SEC23A: variants seen among roughly 807,000 people sequenced by gnomAD.
SEC23A encodes protein transport protein Sec23A.
In SEC23A, 56 loss-of-function variants were observed where a neutral mutation model predicts 103.7. The observed-to-expected ratio is 0.54, with a 90% CI of 0.44 to 0.67. The LOEUF (loss-of-function observed/expected upper bound fraction) is 0.67. Among genes scored for constraint, SEC23A ranks in the 30% least tolerant of loss-of-function variants. The pLI is 0.00. For missense variants in SEC23A, 784 were observed against 936.4 expected (o/e 0.84, Z 2.12); for synonymous variants, 281 against 293.0 (o/e 0.96, Z 0.42).
intron 19 of SEC23A, among the ~76,000 whole-genome samples, chr14:39,034,321 A>G (rs1885393775): frequency 6.6e-6 from 1 of 152,228 alleles, no homozygotes; most frequent in Non-Finnish European, 1.5e-5. Context: ...AACAGGACCT[A>G]TCTTACACAA....
intron 11 of SEC23A, among the ~76,000 whole-genome samples, chr14:39,064,128 C>T (rs946514605): frequency 6.6e-6 from 1 of 151,750 alleles, no homozygotes; most frequent in Non-Finnish European, 1.5e-5. Context: ...CATTTACGAA[C>T]ACATGTTCTC....
intron 14 of SEC23A, among the ~76,000 whole-genome samples, chr14:39,051,920 TCGTGCCACTGCACTC>T (rs1178786063): frequency 6.6e-6 from 1 of 150,638 alleles, no homozygotes; most frequent in Non-Finnish European, 1.5e-5. Context: ...TGAGCCGAGA[TCGTGCCACTGCACTC>T]CAGCCTGGGC....
intron 10 of SEC23A, among the ~76,000 whole-genome samples, chr14:39,065,984 C>T (rs1395566164): frequency 2.0e-4 from 19 of 92,738 alleles, no homozygotes; most frequent in Non-Finnish European, 1.7e-4. Context: ...GCAATAAGAG[C>T]GAAACTCCAT....
chr14:39,100,823 T>C (rs1432328807), intron 1 of SEC23A, among the ~76,000 whole-genome samples: 5 of 152,174 alleles, frequency 3.3e-5, no homozygotes, highest in African/African-American at 1.2e-4. Context: ...ACACACTATA[T>C]TAGAATGCAG....
Position 39,101,074 on chromosome 14 carries a change from C to T in SEC23A, c.-22+1958G>A, listed in dbSNP as rs538805038. ...GGCCAGGCTGGTCTCGAACTCCTGACCTCAGGTGATTGGCCTGCCTCGGCC... is the reference window on the plus strand; with the variant it reads ...GGCCAGGCTGGTCTCGAACTCCTGATCTCAGGTGATTGGCCTGCCTCGGCC... On this transcript the variant is annotated intron_variant, in intron 1 of 19. Transcript: ENST00000307712. Among the ~76,000 whole-genome samples the T allele has an allele frequency of 1.7e-3, 261 of 152,058 alleles. 1 individual carries two copies. Among genetic ancestry groups the T allele is most frequent in the African/African-American group, 6.1e-3 (253 of 41,510 alleles).
chr14:39,063,065 A>C (rs937595663), intron 12 of SEC23A, among the ~76,000 whole-genome samples: 1 of 152,238 alleles, frequency 6.6e-6, no homozygotes, highest in African/African-American at 2.4e-5. Context: ...AAAAAAAGAA[A>C]GAAAGAAAAC....
At chr14:39,061,368 T>C (rs891905530) in intron 13 of SEC23A, among the ~76,000 whole-genome samples, 2 of 151,780 alleles carry the variant, frequency 1.3e-5, no homozygotes, top group South Asian at 2.1e-4. Context: ...AAATGACTAA[T>C]AAAACTTGAA....
chr14:39,053,513 T>G (rs1331083143), intron 14 of SEC23A, among the ~76,000 whole-genome samples: 2 of 151,440 alleles, frequency 1.3e-5, no homozygotes, highest in African/African-American at 4.9e-5. Context: ...TTAATCTTTC[T>G]TGTTTTTTTT....
At chr14:39,050,508 T>C (rs1886019583) in intron 14 of SEC23A, among the ~76,000 whole-genome samples, 1 of 152,162 alleles carries the variant, frequency 6.6e-6, no homozygotes, top group Non-Finnish European at 1.5e-5. Context: ...AGACAGAAGA[T>C]TTCCTGAGTC....
In SEC23A at chr14:39,094,389, CACACACACATATATATATATATATAT is replaced by C. The variant is rs1488915041; in HGVS notation, c.222-1171_222-1146del. On this transcript the variant is annotated intron_variant, in intron 2 of 19. Transcript: ENST00000307712. ...ATATATATATACACACACACACACA[CACACACACATATATATATATATATAT>C]ATATATATATATATATATATATATA... Among the ~76,000 whole-genome samples, 18 of 50,208 alleles carry C rather than the reference CACACACACATATATATATATATATAT, an allele frequency of 3.6e-4. 4 individuals carry two copies. Among genetic ancestry groups the C allele is most frequent in the African/African-American group, 1.1e-3 (14 of 13,014 alleles). 32.9% of individuals were successfully genotyped at this position (50,208 alleles called of 152,430 possible). A position where few individuals can be genotyped will look rare whatever the true frequency, so the allele number is the denominator to read the frequency against.
At chr14:39,089,357 A>G (rs1463772423) in intron 5 of SEC23A, among the ~76,000 whole-genome samples, 1 of 152,164 alleles carries the variant, frequency 6.6e-6, no homozygotes, top group Admixed American at 6.5e-5. Flanking sequence ...TATAAGGTAT[A>G]TACTATTACT....
intron 7 of SEC23A, among the ~76,000 whole-genome samples, chr14:39,081,664 G>T (rs1000264682): frequency 2.6e-5 from 4 of 152,148 alleles, no homozygotes; most frequent in African/African-American, 9.7e-5. Context: ...TTCTCATAGA[G>T]AATGAGTTAC....
chr14:39,059,290 A>AAAAAAAAAAC (rs1555327678), intron 13 of SEC23A, among the ~76,000 whole-genome samples: 17 of 59,992 alleles, frequency 2.8e-4, no homozygotes, highest in South Asian at 5.3e-4. Context: ...AAAAAAAAAA[A>AAAAAAAAAAC]AAAAAAAAAA....
Position 39,048,677 on chromosome 14 carries a change from G to T in SEC23A, c.1712C>A (p.Ser571Ter). The change falls in exon 15 of 20, where the codon TCA becomes TAA. Residue 571 changes from serine to a stop codon, truncating the protein, a stop_gained. Transcript: ENST00000307712. LOFTEE classifies it high-confidence loss of function. ...HKDDPSSFRFSETFSLYPQFM... is the reference protein window; with the variant it reads ...HKDDPSSFRF ...CTGTGGATAAAGGGAGAAAGTTTCT[G>T]AAAATCTGAAGGAACTTGGGTCATC... The T allele has an allele frequency of 6.3e-7, 1 of 1,595,368 alleles. No individual in the cohort carries two copies. Among genetic ancestry groups the T allele is most frequent in the Non-Finnish European group, 8.6e-7 (1 of 1,163,106 alleles).
Position 39,085,788 on chromosome 14 carries a change from G to A in SEC23A, c.802C>T (p.Leu268Phe). 6.2e-7 allele frequency: 1 copy of A among 1,613,180 alleles called. No individual in the cohort carries two copies. The highest frequency in any genetic ancestry group is 8.5e-7 in the Non-Finnish European group (1 of 1,179,840). Residue 268 changes from leucine to phenylalanine, a missense_variant, in exon 7 of 20, where the codon CTT (leucine) becomes TTT (phenylalanine). This residue lies in a region of SEC23A where 683 missense variants were observed against 774.2 expected (regional missense o/e 0.88). Transcript: ENST00000307712. ...TCCAGCAGTCCTACAGCTATGGAAA[G>A]TGCCACCCCAGAGGAACGCAAAGGT... ...KRPLRSSGVA[L>F]SIAVGLLECT... is the part of the protein sequence containing the mutation.
At chr14:39,049,533 T>C (rs1885969887) in intron 14 of SEC23A, among the ~76,000 whole-genome samples, 1 of 151,736 alleles carries the variant, frequency 6.6e-6, no homozygotes, top group Non-Finnish European at 1.5e-5. Context: ...TTCAAGCACT[T>C]TGGGAGGCCA....
intron 6 of SEC23A, 118 bp downstream of exon 6, chr14:39,086,811 T>G: frequency 1.5e-6 from 1 of 684,662 alleles, no homozygotes; most frequent in South Asian, 1.7e-5. Context: ...TTAATACAAT[T>G]TACTTATATT....
intron 6 of SEC23A, among the ~76,000 whole-genome samples, chr14:39,086,277 T>C (rs986507934): frequency 2.0e-5 from 3 of 152,320 alleles, no homozygotes; most frequent in Admixed American, 6.5e-5. Context: ...AGTTTTAGGT[T>C]ACTGAAATAA....
chr14:39,067,513 G>A (rs541794019), intron 9 of SEC23A, among the ~76,000 whole-genome samples: 1 of 131,680 alleles, frequency 7.6e-6, no homozygotes, highest in Non-Finnish European at 1.6e-5. Flanking sequence ...ACCCCTAACA[G>A]TTGCATTTGT....
Sources: allele counts gnomAD v4.1 joint callset (sites outside exome capture counted in the v4.1 genomes callset), GRCh38; gene constraint gnomAD v4.1.1; regional missense constraint gnomAD v4.1.1; transcripts MANE v1.5; gene names NCBI Gene and HGNC (gene_info 2026-07-23, HGNC 2026-07-21).